The following PGAP2 variants were observed in gnomAD, a reference collection of about 807,000 sequenced individuals.
The protein encoded by PGAP2 is post-GPI attachment to proteins 2.
PGAP2 carries 21 observed loss-of-function variants against 33.2 expected under a neutral mutation model. The ratio of observed to expected loss-of-function variants is 0.63; its 90% CI spans 0.45 to 0.91. The LOEUF (loss-of-function observed/expected upper bound fraction) is 0.91, where lower values mean the gene tolerates loss of function less well. PGAP2 is among the 40% of genes least tolerant of loss of function. The probability of loss-of-function intolerance (pLI) is 0.00; values close to 1 mark genes in which losing one functional copy is unlikely to be tolerated. For missense variants in PGAP2, 345 were observed against 424.0 expected (o/e 0.81, Z 1.64); for synonymous variants, 161 against 172.9 (o/e 0.93, Z 0.54).
Position 3,811,761 on chromosome 11 carries a change from A to C in PGAP2, c.165+337A>C, listed in dbSNP as rs1393330272. Among the ~76,000 whole-genome samples, 1 of 152,050 alleles carries C rather than the reference A, an allele frequency of 6.6e-6. No homozygotes were observed. Among genetic ancestry groups the C allele is most frequent in the Non-Finnish European group, 1.5e-5 (1 of 68,028 alleles). ...GGCCCCGCGCCCCATATCCCTGTCC[A>C]GAGGGCAGACCTAGAGCCAAATCCT... On this transcript the variant is annotated intron_variant, in intron 2 of 6. Transcript: ENST00000278243. The surrounding 1 kb of genome is among the most constrained non-coding windows in gnomAD (Gnocchi z 4.6).
rs527782902 is a variant in PGAP2 at position 3,825,792 on chromosome 11, T to C, written c.*334T>C. 1 of 227,930 alleles carries C rather than the reference T, an allele frequency of 4.4e-6. No individual in the cohort carries two copies. The highest frequency in any genetic ancestry group is 2.3e-5 in the African/African-American group (1 of 44,072). The allele number at this position is 227,930 out of a possible 1,614,324, so 14.1% of individuals were successfully genotyped here. ...TGGCCTTTACACAGTCACCTTTCACTGAGGTCAGGAGCCCCTGAGCAGTGG... is the reference window on the plus strand; with the variant it reads ...TGGCCTTTACACAGTCACCTTTCACCGAGGTCAGGAGCCCCTGAGCAGTGG... On this transcript the variant is annotated 3_prime_UTR_variant, in exon 7 of 7. Transcript: ENST00000278243.
At chr11:3,799,771 C>T (rs1264422899) in intron 1 of PGAP2, among the ~76,000 whole-genome samples, 3 of 152,100 alleles carry the variant, frequency 2.0e-5, no homozygotes, top group African/African-American at 7.2e-5. Flanking sequence ...GAGTTCGAGA[C>T]CAGCTCGGGC....
At chr11:3,812,710 C>G (rs2085854143) in intron 2 of PGAP2, among the ~76,000 whole-genome samples, 1 of 152,206 alleles carries the variant, frequency 6.6e-6, no homozygotes, top group Non-Finnish European at 1.5e-5. Context: ...ATGTAAAGAG[C>G]ATCTGCTTCA....
intron 1 of PGAP2, among the ~76,000 whole-genome samples, chr11:3,802,073 TTCC>T (rs1466032104): frequency 1.5e-5 from 1 of 65,106 alleles, no homozygotes; most frequent in Non-Finnish European, 4.3e-5. Flanking sequence ...TCTTTTCCTT[TTCC>T]TTTTTTTTTT....
At chr11:3,822,576 G>A (rs1335926354) in intron 3 of PGAP2, among the ~76,000 whole-genome samples, 1 of 152,104 alleles carries the variant, frequency 6.6e-6, no homozygotes, top group Admixed American at 6.6e-5. Context: ...CAAGGCTGCA[G>A]TGAGTCATGA....
intron 3 of PGAP2, 165 bp downstream of exon 3, chr11:3,817,700 A>T: frequency 1.4e-6 from 1 of 707,380 alleles, no homozygotes; most frequent in Non-Finnish European, 2.6e-6. Flanking sequence ...ATGGGGGGAG[A>T]CTCAGAGAGA....
intron 1 of PGAP2, among the ~76,000 whole-genome samples, chr11:3,799,002 C>A (rs1248570524): frequency 2.6e-5 from 4 of 152,246 alleles, no homozygotes; most frequent in Non-Finnish European, 4.4e-5. Flanking sequence ...CTCAGTGATA[C>A]ATTTGCCAAG....
intron 1 of PGAP2, among the ~76,000 whole-genome samples, chr11:3,799,607 A>G (rs973122607): frequency 1.3e-5 from 2 of 152,208 alleles, no homozygotes; most frequent in Non-Finnish European, 2.9e-5. Context: ...TAAAATGTAA[A>G]TGAGTTTAAA....
chr11:3,812,199 T>C (rs1276805997), intron 2 of PGAP2, among the ~76,000 whole-genome samples: 1 of 152,172 alleles, frequency 6.6e-6, no homozygotes, highest in African/African-American at 2.4e-5. Flanking sequence ...AACTCTGTTA[T>C]ACTTGTAATT....
upstream of PGAP2, among the ~76,000 whole-genome samples, chr11:3,805,973 C>G (rs1445551168): frequency 0.038 from 1 of 26 alleles, no homozygotes; most frequent in African/African-American, 0.083. Context: ...ATGTGAGCCA[C>G]CACGCCCCCG....
At chr11:3,804,903 C>T (rs2084059624), upstream of PGAP2, among the ~76,000 whole-genome samples, 1 of 152,090 alleles carries the variant, frequency 6.6e-6, no homozygotes, top group Admixed American at 6.6e-5. Context: ...GGTTTTGTCA[C>T]GTTGGCCAGA....
chr11:3,799,609 G>C (rs2083164381), intron 1 of PGAP2, among the ~76,000 whole-genome samples: 1 of 152,324 alleles, frequency 6.6e-6, no homozygotes, highest in African/African-American at 2.4e-5. Flanking sequence ...AAATGTAAAT[G>C]AGTTTAAAGC....
upstream of PGAP2, among the ~76,000 whole-genome samples, chr11:3,804,708 A>T (rs1026438153): frequency 2.6e-5 from 4 of 151,590 alleles, no homozygotes; most frequent in African/African-American, 9.7e-5. Context: ...ATTTGTATTT[A>T]TTTATTTTTT....
exon 1 of PGAP2, chr11:3,797,883 G>T (rs1280709602): frequency 3.2e-6 from 5 of 1,549,878 alleles, no homozygotes; most frequent in Non-Finnish European, 4.4e-6. Context: ...GTCGGGAAGG[G>T]TGGTGACGCA....
intron 5 of PGAP2, 121 bp from the exon 6 acceptor site, chr11:3,824,899 C>A (rs1428839959): frequency 6.6e-7 from 1 of 1,511,306 alleles, no homozygotes; most frequent in South Asian, 1.3e-5. Context: ...GTGCTCCCTT[C>A]CATGACCGCT....
At position 3,825,730 on chromosome 11, in the gene PGAP2, A is replaced by G; in HGVS notation, c.*272A>G. On this transcript the variant is annotated 3_prime_UTR_variant, in exon 7 of 7. Coordinates refer to ENST00000278243, the MANE Select transcript of PGAP2 (RefSeq NM_014489.4). ...AGCTCCACCATTTGGTGCTAAAAAA[A>G]AAAACGTCCTGAGGTTCATGACCAC... The G allele has an allele frequency of 6.5e-6, 2 of 309,372 alleles. 1 individual carries two copies. Among genetic ancestry groups the G allele is most frequent in the South Asian group, 9.6e-5 (2 of 20,730 alleles). The allele number at this position is 309,372 out of a possible 1,614,324, so 19.2% of individuals were successfully genotyped here. A position where few individuals can be genotyped will look rare whatever the true frequency, so the allele number is the denominator to read the frequency against.
intron 3 of PGAP2, among the ~76,000 whole-genome samples, chr11:3,820,566 A>G (rs1048528742): frequency 6.6e-6 from 1 of 152,212 alleles, no homozygotes; most frequent in African/African-American, 2.4e-5. Flanking sequence ...AGACTGAGGC[A>G]GGAGAATTGC....
rs552095120 is a variant in PGAP2, at chr11:3,801,618, G to T, written c.139+3636G>T. On this transcript the variant is annotated intron_variant, in intron 1 of 6. Transcript: ENST00000300730. ...GATCGCGCCACTGCACTCCAGCCTG[G>T]GTGACAGAGCAAGACTCCATCTCAA... 5.2e-3 allele frequency among the ~76,000 whole-genome samples: 660 copies of T among 126,784 alleles called. 2 individuals are homozygous for T. The highest frequency in any genetic ancestry group is 0.018 in the African/African-American group (633 of 34,874). 83.2% of individuals were successfully genotyped at this position (126,784 alleles called of 152,430 possible).
intron 2 of PGAP2, among the ~76,000 whole-genome samples, chr11:3,814,748 T>TTTTCTTTCTTTCTTTC (rs57460101): frequency 1.1e-3 from 127 of 112,726 alleles, no homozygotes; most frequent in East Asian, 3.2e-3. Context: ...TCTTTCCTTC[T>TTTTCTTTCTTTCTTTC]TTTCTTTCTT....
Sources: allele counts gnomAD v4.1 joint callset (sites outside exome capture counted in the v4.1 genomes callset), GRCh38; gene constraint gnomAD v4.1.1; non-coding constraint Gnocchi (gnomAD v3.1); transcripts MANE v1.5; gene names NCBI Gene and HGNC (gene_info 2026-07-23, HGNC 2026-07-21).